The following RUNX2 variants were observed in gnomAD, a reference collection of about 807,000 sequenced individuals.
The protein encoded by RUNX2 is runt-related transcription factor 2.
In RUNX2, 10 loss-of-function variants were observed where a neutral mutation model predicts 51.7. The ratio of observed to expected loss-of-function variants is 0.19; its 90% CI spans 0.12 to 0.33. RUNX2 has a LOEUF of 0.33. Ranked by LOEUF, RUNX2 falls within the 10% of genes least tolerant of loss-of-function variation. The probability of loss-of-function intolerance (pLI) is 1.00; values close to 1 mark genes in which losing one functional copy is unlikely to be tolerated. For synonymous variants in RUNX2, 276 were observed against 273.6 expected, an observed-to-expected ratio of 1.01 and a Z score of -0.09; for missense variants, 562 against 691.3, an observed-to-expected ratio of 0.81 and a Z score of 2.10.
intron 3 of RUNX2, among the ~76,000 whole-genome samples, chr6:45,423,869 C>T (rs1200156653): frequency 6.6e-6 from 1 of 152,194 alleles, no homozygotes; most frequent in African/African-American, 2.4e-5. Context: ...GGAGCTCGGG[C>T]CGCTTCTTCC....
At chr6:45,521,544 A>C (rs1281901657) in intron 7 of RUNX2, among the ~76,000 whole-genome samples, 2 of 152,248 alleles carry the variant, frequency 1.3e-5, no homozygotes, top group Non-Finnish European at 2.9e-5. Context: ...CATGTAATAA[A>C]GTGTCAAAGC....
chr6:45,530,817 T>C (rs1801818873), intron 7 of RUNX2, among the ~76,000 whole-genome samples: 1 of 152,148 alleles, frequency 6.6e-6, no homozygotes, highest in Non-Finnish European at 1.5e-5. Context: ...AGCTCACAGA[T>C]AAAGAACATC....
At chr6:45,490,300 T>A (rs1159843560) in intron 5 of RUNX2, among the ~76,000 whole-genome samples, 1 of 152,208 alleles carries the variant, frequency 6.6e-6, no homozygotes, top group East Asian at 1.9e-4. Flanking sequence ...TTTCTCTAAT[T>A]TTTCCTGTTC....
chr6:45,455,406 A>T (rs1799291884), intron 5 of RUNX2, among the ~76,000 whole-genome samples: 1 of 152,174 alleles, frequency 6.6e-6, no homozygotes, highest in Non-Finnish European at 1.5e-5. Flanking sequence ...CTTGGTAATT[A>T]AAAGAAGGTA....
intron 7 of RUNX2, among the ~76,000 whole-genome samples, chr6:45,531,336 C>A (rs1352171775): frequency 6.6e-6 from 1 of 151,902 alleles, no homozygotes; most frequent in Non-Finnish European, 1.5e-5. Context: ...GATCAGAGAA[C>A]CCAAAATAAA....
At chr6:45,495,076 C>T (rs1174935639) in intron 6 of RUNX2, among the ~76,000 whole-genome samples, 1 of 152,200 alleles carries the variant, frequency 6.6e-6, no homozygotes, top group African/African-American at 2.4e-5. Context: ...TTATCTTCTT[C>T]AGGAAAAAGT....
chr6:45,361,393 AG>A (rs1234711254), intron 2 of RUNX2, among the ~76,000 whole-genome samples: 1 of 152,210 alleles, frequency 6.6e-6, no homozygotes, highest in Non-Finnish European at 1.5e-5. Context: ...CATTATCATC[AG>A]GCCTGTAACT....
intron 7 of RUNX2, among the ~76,000 whole-genome samples, chr6:45,541,166 A>AT (rs35035086): frequency 0.073 from 10,892 of 148,946 alleles, 747 homozygotes; most frequent in East Asian, 0.34. Context: ...ATGCACTGAC[A>AT]TTTTTTTTTT....
At chr6:45,366,088 C>T (rs1563033008) in intron 2 of RUNX2, among the ~76,000 whole-genome samples, 1 of 152,202 alleles carries the variant, frequency 6.6e-6, no homozygotes, top group East Asian at 1.9e-4. Flanking sequence ...TCATCTATTA[C>T]ACTATTATAC....
intron 2 of RUNX2, chr6:45,365,233 A>G: frequency 1.9e-6 from 3 of 1,612,280 alleles, no homozygotes; most frequent in Non-Finnish European, 2.5e-6. Context: ...CAAAGCTTAT[A>G]GACTTCCCTG....
chr6:45,492,713 C>A (rs777684320), intron 6 of RUNX2, among the ~76,000 whole-genome samples: 2 of 152,178 alleles, frequency 1.3e-5, no homozygotes, highest in African/African-American at 4.8e-5. Flanking sequence ...AAATTAACAT[C>A]GGCATTACAT....
chr6:45,498,173 A>G (rs1227507947), intron 6 of RUNX2, among the ~76,000 whole-genome samples: 1 of 152,190 alleles, frequency 6.6e-6, no homozygotes, highest in Non-Finnish European at 1.5e-5. Context: ...GCTGAAAGGT[A>G]CTTTTATCAT....
intron 2 of RUNX2, among the ~76,000 whole-genome samples, chr6:45,361,994 T>G (rs557155829): frequency 1.3e-5 from 2 of 152,224 alleles, no homozygotes; most frequent in South Asian, 4.1e-4. Context: ...GAGTTTACAG[T>G]GAGCAGAGAT....
intron 5 of RUNX2, among the ~76,000 whole-genome samples, chr6:45,477,292 T>TGA (rs940888906): frequency 6.6e-6 from 1 of 152,208 alleles, no homozygotes; most frequent in Admixed American, 6.5e-5. Flanking sequence ...ACCCATTCCC[T>TGA]GAGTGTCCTC....
chr6:45,521,896 T>G (rs1801518716), intron 7 of RUNX2, among the ~76,000 whole-genome samples: 1 of 152,228 alleles, frequency 6.6e-6, no homozygotes, highest in African/African-American at 2.4e-5. Flanking sequence ...GTGACCATAT[T>G]ACACTGTTTT....
chr6:45,376,064 T>C (rs1190975655), intron 2 of RUNX2, among the ~76,000 whole-genome samples: 5 of 152,198 alleles, frequency 3.3e-5, no homozygotes, highest in African/African-American at 4.8e-5. Flanking sequence ...TGGTAAAAGA[T>C]AGCAGAAACC....
intron 2 of RUNX2, among the ~76,000 whole-genome samples, chr6:45,337,934 T>G (rs1381733237): frequency 6.6e-6 from 1 of 152,014 alleles, no homozygotes; most frequent in Non-Finnish European, 1.5e-5. Context: ...ACTCCTGACT[T>G]GACAATGATG....
intron 2 of RUNX2, among the ~76,000 whole-genome samples, chr6:45,350,293 G>T (rs546120153): frequency 7.2e-4 from 110 of 152,306 alleles, no homozygotes; most frequent in African/African-American, 2.6e-3. Flanking sequence ...AAAAACATTT[G>T]TATATAATAA....
rs112552845 is a variant in RUNX2, at chr6:45,440,674, A to G, written c.685+2623A>G. On this transcript the variant is annotated intron_variant, in intron 5 of 8. Coordinates refer to ENST00000647337, the MANE Select transcript of RUNX2 (RefSeq NM_001024630.4). ...TCAATTTTTTTTTTTAATTTTTGGA[A>G]TATTTGCGTATATAATGAGATACCT... Among the ~76,000 whole-genome samples the G allele has an allele frequency of 6.9e-3, 1,049 of 152,142 alleles. 8 individuals carry two copies. Among genetic ancestry groups the G allele is most frequent in the African/African-American group, 0.024 (982 of 41,508 alleles).
Sources: allele counts gnomAD v4.1 joint callset (sites outside exome capture counted in the v4.1 genomes callset), GRCh38; gene constraint gnomAD v4.1.1; transcripts MANE v1.5; gene names NCBI Gene and HGNC (gene_info 2026-07-23, HGNC 2026-07-21).